The following CHL1 variants were observed in gnomAD, a reference collection of about 807,000 sequenced individuals.
CHL1 encodes the protein neural cell adhesion molecule L1-like protein.
Under a neutral mutation model 141.9 loss-of-function variants are expected in CHL1, and 96 were observed. The observed-to-expected ratio is 0.68, with a 90% CI of 0.57 to 0.80. The LOEUF (loss-of-function observed/expected upper bound fraction) is 0.80. Ranked by LOEUF, CHL1 falls within the 30% of genes least tolerant of loss-of-function variation. CHL1 has a pLI of 0.00. For synonymous variants in CHL1, 613 were observed against 502.2 expected (o/e 1.22, Z -2.95); for missense variants, 1,820 against 1,457.2 (o/e 1.25, Z -4.05).
intron 1 of CHL1, among the ~76,000 whole-genome samples, chr3:241,357 T>C (rs540041982): frequency 1.3e-5 from 2 of 152,316 alleles, no homozygotes; most frequent in South Asian, 4.1e-4. Context: ...AGGTTTGATG[T>C]AGAGGGTATG....
intron 2 of CHL1, among the ~76,000 whole-genome samples, chr3:253,319 G>A (rs1465399638): frequency 6.6e-6 from 1 of 152,110 alleles, no homozygotes; most frequent in South Asian, 2.1e-4. Context: ...TGCGAGTTAG[G>A]TTGTTTAGAG....
intron 5 of CHL1, among the ~76,000 whole-genome samples, chr3:331,404 T>C (rs1365568129): frequency 6.6e-6 from 1 of 152,044 alleles, no homozygotes; most frequent in Non-Finnish European, 1.5e-5. Flanking sequence ...GGCCAATTTT[T>C]ATTTTTATTT....
At chr3:198,737 G>T (rs1698642341) in intron 1 of CHL1, among the ~76,000 whole-genome samples, 1 of 152,186 alleles carries the variant, frequency 6.6e-6, no homozygotes, top group African/African-American at 2.4e-5. Flanking sequence ...ATTACATATG[G>T]TGCATTTTCA....
chr3:214,751 T>C (rs1026480206), intron 1 of CHL1, among the ~76,000 whole-genome samples: 1 of 152,206 alleles, frequency 6.6e-6, no homozygotes, highest in African/African-American at 2.4e-5. Context: ...ACAGAAGATA[T>C]AACTTATTAA....
intron 2 of CHL1, among the ~76,000 whole-genome samples, chr3:285,083 G>A (rs1008552071): frequency 6.6e-6 from 1 of 152,176 alleles, no homozygotes; most frequent in Admixed American, 6.5e-5. Context: ...ATATTTGTGT[G>A]TTTAAACATG....
At chr3:302,390 C>A (rs1698834920) in intron 2 of CHL1, among the ~76,000 whole-genome samples, 1 of 152,214 alleles carries the variant, frequency 6.6e-6, no homozygotes, top group African/African-American at 2.4e-5. Flanking sequence ...TATTTTTCCA[C>A]AAACTCTCCA....
chr3:291,994 T>C (rs1174396155), intron 2 of CHL1, among the ~76,000 whole-genome samples: 1 of 152,244 alleles, frequency 6.6e-6, no homozygotes, highest in Admixed American at 6.5e-5. Context: ...ATGTTCATTT[T>C]GATGTCAGCA....
At chr3:337,933 C>T (rs1465048974) in intron 5 of CHL1, among the ~76,000 whole-genome samples, 8 of 152,078 alleles carry the variant, frequency 5.3e-5, no homozygotes, top group East Asian at 1.9e-4. Flanking sequence ...TTCTAGATCC[C>T]TGAGGAATAA....
intron 1 of CHL1, among the ~76,000 whole-genome samples, chr3:240,249 A>G (rs1157380696): frequency 6.6e-6 from 1 of 152,146 alleles, no homozygotes; most frequent in Non-Finnish European, 1.5e-5. Flanking sequence ...CATCCACACC[A>G]ACATCCACTA....
intron 1 of CHL1, among the ~76,000 whole-genome samples, chr3:220,148 G>A (rs572738075): frequency 6.6e-6 from 1 of 152,302 alleles, no homozygotes; most frequent in East Asian, 1.9e-4. Flanking sequence ...TGTTTTTAAA[G>A]ACTGGGGAGG....
chr3:364,725 T>C (rs1021707258), intron 14 of CHL1, among the ~76,000 whole-genome samples: 6 of 152,172 alleles, frequency 3.9e-5, no homozygotes, highest in African/African-American at 1.4e-4. Flanking sequence ...TGAGCTTTAG[T>C]CTCAGGCAGA....
chr3:287,766 T>C (rs1205406605), intron 2 of CHL1, among the ~76,000 whole-genome samples: 1 of 145,608 alleles, frequency 6.9e-6, no homozygotes, highest in Non-Finnish European at 1.5e-5. Flanking sequence ...ACTGGTGTCT[T>C]TTTTTGTTTT....
chr3:314,683 G>A lies in CHL1; in HGVS notation c.-94-5000G>A, dbSNP rs141664372. Among the ~76,000 whole-genome samples the A allele has an allele frequency of 6.0e-3, 911 of 152,018 alleles. 17 individuals carry two copies. Among genetic ancestry groups the A allele is most frequent in the African/African-American group, 0.021 (857 of 41,476 alleles). On this transcript the variant is annotated intron_variant, in intron 2 of 27. Transcript: ENST00000256509. ...GGATGATGGGGATGATGGGCAAAAT[G>A]TCTCTTATCTTCCAACAGGGTAGTG...
intron 15 of CHL1, among the ~76,000 whole-genome samples, chr3:370,369 C>T (rs1167468353): frequency 2.0e-5 from 3 of 152,090 alleles, no homozygotes; most frequent in African/African-American, 7.2e-5. Flanking sequence ...TCTAGATTTT[C>T]TAGTTTATTT....
intron 5 of CHL1, among the ~76,000 whole-genome samples, chr3:334,166 CTTGTT>C (rs1448248453): frequency 1.3e-5 from 2 of 151,978 alleles, no homozygotes; most frequent in East Asian, 1.9e-4. Flanking sequence ...ATAAATTTTA[CTTGTT>C]TTAAGTGTAT....
At position 232,606 on chromosome 3, in the gene CHL1, T is replaced by A. The variant is rs112107117; in HGVS notation, c.-174-12007T>A. On this transcript the variant is annotated intron_variant, in intron 1 of 27. Coordinates refer to ENST00000256509, the MANE Select transcript of CHL1 (RefSeq NM_006614.4). ...AGTTAGATGTTCGTACTTAGATATTTTTTACAGATCGAAGTTTCTATTTGC... is the reference window on the plus strand; with the variant it reads ...AGTTAGATGTTCGTACTTAGATATTATTTACAGATCGAAGTTTCTATTTGC... Among the ~76,000 whole-genome samples the A allele has an allele frequency of 3.5e-3, 534 of 152,316 alleles. 6 individuals carry two copies. The highest frequency in any genetic ancestry group is 0.012 in the African/African-American group (516 of 41,578).
At chr3:288,543 C>T (rs922897044) in intron 2 of CHL1, among the ~76,000 whole-genome samples, 3 of 152,104 alleles carry the variant, frequency 2.0e-5, no homozygotes, top group Non-Finnish European at 4.4e-5. Flanking sequence ...TGTTGCATTG[C>T]CACAGATCCT....
At chr3:309,520 T>C (rs199506604) in intron 2 of CHL1, among the ~76,000 whole-genome samples, 2 of 151,092 alleles carry the variant, frequency 1.3e-5, no homozygotes, top group African/African-American at 2.4e-5. Flanking sequence ...TCCTTCCTTC[T>C]TTCCTTCCTT....
intron 16 of CHL1, 37 bp downstream of exon 16, chr3:377,979 T>C: frequency 2.6e-6 from 4 of 1,557,332 alleles, no homozygotes; most frequent in Non-Finnish European, 2.6e-6. Context: ...TGTTCATTTC[T>C]TCATTTCTGA....
Sources: allele counts gnomAD v4.1 joint callset (sites outside exome capture counted in the v4.1 genomes callset), GRCh38; gene constraint gnomAD v4.1.1; transcripts MANE v1.5; gene names NCBI Gene and HGNC (gene_info 2026-07-23, HGNC 2026-07-21).